ZHX2: variants seen among roughly 807,000 people sequenced by gnomAD.
ZHX2 encodes the protein zinc fingers and homeoboxes 2, also known as zinc fingers and homeoboxes protein 2.
Under a neutral mutation model 21.9 loss-of-function variants are expected in ZHX2, and 6 were observed. That is an observed-to-expected ratio of 0.27 (90% confidence interval 0.15 to 0.54). ZHX2 has a LOEUF of 0.54. Ranked by LOEUF, ZHX2 falls within the 20% of genes least tolerant of loss-of-function variation. ZHX2 has a pLI of 0.95. For missense variants in ZHX2, 908 were observed against 1,090.7 expected (o/e 0.83, Z 2.36); for synonymous variants, 434 against 437.1 (o/e 0.99, Z 0.09).
In ZHX2 at chr8:122,953,190, T is replaced by C. The variant is rs1318140900; in HGVS notation, c.1680T>C (p.Asp560=). The change falls in exon 3 of 4, where the codon GAT becomes GAC. Residue 560 remains aspartate (D), a synonymous_variant. Transcript: ENST00000314393. This position sits in a 1 kb window ranked among gnomAD's most constrained non-coding sequence, Gnocchi z 4.6. ...KSSFPTQAEL[D]RLRVETKLSR... ...CTTTTCCTACCCAAGCAGAACTGGA[T>C]CGGCTAAGGGTGGAGACCAAGCTGA... The C allele has an allele frequency of 1.2e-6, 2 of 1,613,666 alleles. No individual in the cohort carries two copies. Among genetic ancestry groups the C allele is most frequent in the Non-Finnish European group, 1.7e-6 (2 of 1,179,980 alleles).
intron 1 of ZHX2, among the ~76,000 whole-genome samples, chr8:122,821,793 C>G (rs1180925611): frequency 1.3e-5 from 2 of 152,164 alleles, no homozygotes; most frequent in African/African-American, 4.8e-5. Context: ...CAACCTCCAA[C>G]TCCTGGTTTC....
chr8:122,965,859 G>A (rs565393974), intron 3 of ZHX2, among the ~76,000 whole-genome samples: 1 of 152,182 alleles, frequency 6.6e-6, no homozygotes, highest in East Asian at 1.9e-4. Flanking sequence ...ATTTAGGATT[G>A]TAATATTTTT....
intron 1 of ZHX2, among the ~76,000 whole-genome samples, chr8:122,800,225 C>G (rs1196565843): frequency 1.3e-5 from 2 of 152,220 alleles, no homozygotes; most frequent in African/African-American, 2.4e-5. Context: ...CAGGAGTCAG[C>G]TTGTCCTGCA....
chr8:122,794,335 T>C (rs570833368), intron 1 of ZHX2, among the ~76,000 whole-genome samples: 1 of 151,986 alleles, frequency 6.6e-6, no homozygotes, highest in Non-Finnish European at 1.5e-5. Context: ...ACATGTTGTG[T>C]CATCTGTCAC....
At chr8:122,947,719 C>A (rs1420051850) in intron 2 of ZHX2, among the ~76,000 whole-genome samples, 3 of 151,932 alleles carry the variant, frequency 2.0e-5, no homozygotes, top group Non-Finnish European at 4.4e-5. Context: ...TCAATGGAGA[C>A]CTAAAAACCA....
At chr8:122,790,548 T>A (rs1267787244) in intron 1 of ZHX2, among the ~76,000 whole-genome samples, 1 of 152,192 alleles carries the variant, frequency 6.6e-6, no homozygotes, top group Non-Finnish European at 1.5e-5. Flanking sequence ...CAAATCTACA[T>A]GCCTTTTGTG....
At chr8:122,927,345 A>G (rs1302396770) in intron 2 of ZHX2, among the ~76,000 whole-genome samples, 1 of 152,146 alleles carries the variant, frequency 6.6e-6, no homozygotes. Context: ...AAATACAAAA[A>G]TTAGCCAGGC....
chr8:122,922,145 G>A (rs757144442), intron 2 of ZHX2, among the ~76,000 whole-genome samples: 45 of 152,032 alleles, frequency 3.0e-4, no homozygotes, highest in Non-Finnish European at 5.7e-4. Context: ...TTTTAGAACT[G>A]TTTTCCCCAC....
At chr8:122,912,760 T>C (rs1820512929) in intron 2 of ZHX2, among the ~76,000 whole-genome samples, 1 of 152,036 alleles carries the variant, frequency 6.6e-6, no homozygotes, top group Non-Finnish European at 1.5e-5. Flanking sequence ...ACCTACTATG[T>C]CCCAGGTACT....
rs60890533 is a variant in ZHX2 at position 122,945,436 on chromosome 8, C to CAAAAAAAAAAAAAAAAAAAAAAAA, written c.-219-5852_-219-5829dup. On this transcript the variant is annotated intron_variant, in intron 2 of 3. Transcript: ENST00000314393. ...CTCTTTTATATAAACCCTGTCTCTG[C>CAAAAAAAAAAAAAAAAAAAAAAAA]AAAAAAAAAAAAAAAAAAAAAAAAA... Among the ~76,000 whole-genome samples the CAAAAAAAAAAAAAAAAAAAAAAAA allele has an allele frequency of 5.4e-5, 4 of 73,678 alleles. 1 individual carries two copies. The highest frequency in any genetic ancestry group is 6.3e-5 in the African/African-American group (1 of 15,978). 48.3% of individuals were successfully genotyped at this position (73,678 alleles called of 152,430 possible).
chr8:122,788,014 G>A (rs1251510630), intron 1 of ZHX2, among the ~76,000 whole-genome samples: 3 of 152,148 alleles, frequency 2.0e-5, no homozygotes, highest in Non-Finnish European at 4.4e-5. Flanking sequence ...ATCCCCCACA[G>A]CCTGGTTCAC....
intron 3 of ZHX2, among the ~76,000 whole-genome samples, chr8:122,969,916 T>C (rs1212026675): frequency 6.6e-6 from 1 of 152,138 alleles, no homozygotes; most frequent in Non-Finnish European, 1.5e-5. Context: ...GTTTCTCCAA[T>C]GAGGAAAGTA....
intron 1 of ZHX2, among the ~76,000 whole-genome samples, chr8:122,846,432 C>A (rs1354716054): frequency 6.6e-6 from 1 of 152,260 alleles, no homozygotes; most frequent in East Asian, 1.9e-4. Flanking sequence ...CCCTGTATTC[C>A]TTCTGCCACC....
intron 1 of ZHX2, among the ~76,000 whole-genome samples, chr8:122,809,992 TATAAGCCCCTATAGTGCTTG>T (rs1817894863): frequency 6.6e-6 from 1 of 152,150 alleles, no homozygotes; most frequent in African/African-American, 2.4e-5. Flanking sequence ...TGGTTTTCAT[TATAAGCCCCTATAGTGCTTG>T]ATTTCTTGAC....
intron 1 of ZHX2, among the ~76,000 whole-genome samples, chr8:122,860,508 C>T (rs1196783164): frequency 3.3e-5 from 5 of 152,150 alleles, no homozygotes; most frequent in African/African-American, 7.2e-5. Flanking sequence ...TTTAACAAAC[C>T]ACAATCCTAG....
At chr8:122,830,894 C>T (rs1007587396) in intron 1 of ZHX2, among the ~76,000 whole-genome samples, 3 of 152,096 alleles carry the variant, frequency 2.0e-5, no homozygotes, top group Admixed American at 6.6e-5. Context: ...CCACAACTGG[C>T]GGGTTTCTAG....
intron 3 of ZHX2, among the ~76,000 whole-genome samples, chr8:122,968,153 G>A (rs1365844819): frequency 6.6e-6 from 1 of 152,184 alleles, no homozygotes; most frequent in Non-Finnish European, 1.5e-5. Context: ...TCTGCCCAGT[G>A]AGTTTAAAAT....
chr8:122,903,831 G>C lies in ZHX2; in HGVS notation c.-220+40292G>C, dbSNP rs868847686. 5.3e-5 allele frequency among the ~76,000 whole-genome samples: 8 copies of C among 152,240 alleles called. No individual in the cohort carries two copies. The Middle Eastern group carries it at 0.014, about 259-fold the overall frequency. The stretch of plus-strand genomic sequence containing the variant: ...GAAAATGGGAATGGTTAGAAATGGG[G>C]CTTCAGTAGGACTGGAAAGAGAGGG... On this transcript the variant is annotated intron_variant, in intron 2 of 3. Transcript: ENST00000314393.
intron 1 of ZHX2, among the ~76,000 whole-genome samples, chr8:122,833,429 G>A (rs1027009044): frequency 4.6e-5 from 7 of 152,182 alleles, no homozygotes; most frequent in Non-Finnish European, 8.8e-5. Flanking sequence ...GGAACTGGGT[G>A]GGCTCTTTAA....
Sources: allele counts gnomAD v4.1 joint callset (sites outside exome capture counted in the v4.1 genomes callset), GRCh38; gene constraint gnomAD v4.1.1; non-coding constraint Gnocchi (gnomAD v3.1); transcripts MANE v1.5; gene names NCBI Gene and HGNC (gene_info 2026-07-23, HGNC 2026-07-21).